Variants in CTNND2 observed in about 807,000 individuals in gnomAD.
CTNND2 encodes catenin delta-2.
A neutral mutation model predicts 144.4 loss-of-function variants in CTNND2; 22 were observed. That is an observed-to-expected ratio of 0.15 (90% CI 0.11 to 0.22). The LOEUF is 0.22. Ranked by LOEUF, CTNND2 falls within the 10% of genes least tolerant of loss-of-function variation. CTNND2 has a pLI of 1.00. For synonymous variants in CTNND2, 751 were observed against 695.6 expected (o/e 1.08, Z -1.25); for missense variants, 1,353 against 1,618.8 (o/e 0.84, Z 2.82).
intron 3 of CTNND2, among the ~76,000 whole-genome samples, chr5:11,456,353 G>A (rs910982209): frequency 6.6e-6 from 1 of 151,450 alleles, no homozygotes; most frequent in African/African-American, 2.4e-5. Flanking sequence ...GGGCATAATG[G>A]AGACGGAATA....
At chr5:11,306,476 G>T (rs1198514929) in intron 9 of CTNND2, among the ~76,000 whole-genome samples, 1 of 152,174 alleles carries the variant, frequency 6.6e-6, no homozygotes, top group African/African-American at 2.4e-5. Flanking sequence ...GGGTGGATCC[G>T]AGGATGTCTG....
chr5:11,351,692 G>A (rs1255845174), intron 8 of CTNND2, among the ~76,000 whole-genome samples: 2 of 152,050 alleles, frequency 1.3e-5, no homozygotes, highest in African/African-American at 4.8e-5. Flanking sequence ...GAAACTTGGT[G>A]GGGGGAAATA....
chr5:11,875,602 T>A (rs921230154), intron 1 of CTNND2, among the ~76,000 whole-genome samples: 3 of 152,092 alleles, frequency 2.0e-5, no homozygotes, highest in African/African-American at 7.2e-5. Flanking sequence ...ACCGTCCGTA[T>A]AGCAGGGGAA....
At chr5:10,996,039 G>A (rs181525538) in intron 18 of CTNND2, among the ~76,000 whole-genome samples, 1 of 152,160 alleles carries the variant, frequency 6.6e-6, no homozygotes, top group Non-Finnish European at 1.5e-5. Flanking sequence ...GGTGGGGAGC[G>A]AGCTGACTGG....
chr5:11,129,163 T>TA (rs1755211858), intron 12 of CTNND2, among the ~76,000 whole-genome samples: 1 of 20,204 alleles, frequency 4.9e-5, no homozygotes, highest in East Asian at 3.4e-3. Context: ...ATACATATAT[T>TA]ATATATTATA....
At position 11,749,821 on chromosome 5, in the gene CTNND2, G is replaced by T. The variant is rs1467075713; in HGVS notation, c.38-17549C>A. Among the ~76,000 whole-genome samples the T allele has an allele frequency of 9.9e-5, 15 of 151,968 alleles. No individual in the cohort carries two copies. In the East Asian group the frequency reaches 2.9e-3, roughly 29 times the overall value. ...GATAATGAGGATATACAATGTTTTT[G>T]TCATCAGATGATCTAATCTTATTCA... On this transcript the variant is annotated intron_variant, in intron 1 of 21. Coordinates refer to ENST00000304623, the MANE Select transcript of CTNND2 (RefSeq NM_001332.4).
intron 1 of CTNND2, among the ~76,000 whole-genome samples, chr5:11,884,832 C>T (rs928924680): frequency 6.6e-6 from 1 of 152,076 alleles, no homozygotes; most frequent in African/African-American, 2.4e-5. Flanking sequence ...GAGGCACGTT[C>T]CTTCTATAAC....
chr5:11,509,827 T>G (rs1771458373), intron 3 of CTNND2, among the ~76,000 whole-genome samples: 1 of 152,218 alleles, frequency 6.6e-6, no homozygotes, highest in African/African-American at 2.4e-5. Context: ...ATTTCACACC[T>G]TTTCTACAGA....
intron 3 of CTNND2, among the ~76,000 whole-genome samples, chr5:11,434,464 A>G (rs1488547910): frequency 6.6e-6 from 1 of 152,232 alleles, no homozygotes; most frequent in Non-Finnish European, 1.5e-5. Flanking sequence ...GGTACCCCTA[A>G]GACTGGTGCA....
chr5:11,098,219 A>G (rs1467691950), intron 15 of CTNND2, among the ~76,000 whole-genome samples: 1 of 152,094 alleles, frequency 6.6e-6, no homozygotes, highest in Non-Finnish European at 1.5e-5. Flanking sequence ...TTGAGCATTA[A>G]CTCTCTTACC....
intron 3 of CTNND2, among the ~76,000 whole-genome samples, chr5:11,479,925 T>C (rs1266835283): frequency 6.6e-6 from 1 of 152,222 alleles, no homozygotes; most frequent in Non-Finnish European, 1.5e-5. Flanking sequence ...GTAAGATGCA[T>C]AGTTTGCAAA....
chr5:11,195,195 T>G (rs1736732247), intron 11 of CTNND2, among the ~76,000 whole-genome samples: 1 of 152,080 alleles, frequency 6.6e-6, no homozygotes, highest in Non-Finnish European at 1.5e-5. Flanking sequence ...CCTAGATATA[T>G]CACAAGAGAA....
intron 20 of CTNND2, 25 bp from the exon 21 acceptor site, chr5:10,981,871 T>C (rs1465338043): frequency 1.3e-6 from 2 of 1,587,216 alleles, no homozygotes; most frequent in Non-Finnish European, 1.7e-6. Flanking sequence ...AAAACAAAAG[T>C]TTAGCAAAGA....
Position 10,971,940 on chromosome 5 carries a change from C to T in CTNND2, c.*1513G>A, listed in dbSNP as rs934637222. ...ATCTAAAGAGCAAAGCTAGTTTACC[C>T]GCGGCCCATGTTCTTTTCGATGGTT... On this transcript the variant is annotated 3_prime_UTR_variant, in exon 22 of 22. Coordinates refer to ENST00000304623, the MANE Select transcript of CTNND2 (RefSeq NM_001332.4). 4 of 152,634 alleles carry T rather than the reference C, an allele frequency of 2.6e-5. No individual in the cohort carries two copies. Among genetic ancestry groups the T allele is most frequent in the South Asian group, 2.1e-4 (1 of 4,832 alleles). 9.5% of individuals were successfully genotyped at this position (152,634 alleles called of 1,614,324 possible).
intron 2 of CTNND2, among the ~76,000 whole-genome samples, chr5:11,727,676 T>G (rs759237606): frequency 6.6e-5 from 10 of 152,224 alleles, no homozygotes; most frequent in Admixed American, 1.3e-4. Context: ...GAATATAAAC[T>G]TCACTGGTCT....
intron 16 of CTNND2, among the ~76,000 whole-genome samples, chr5:11,043,238 T>C (rs1744869345): frequency 6.6e-6 from 1 of 152,188 alleles, no homozygotes; most frequent in African/African-American, 2.4e-5. Context: ...TCTCCAAGTG[T>C]CCTAGCTAGT....
At chr5:11,692,321 T>A (rs1784947668) in intron 2 of CTNND2, among the ~76,000 whole-genome samples, 1 of 152,240 alleles carries the variant, frequency 6.6e-6, no homozygotes. Context: ...TCCCAACTCA[T>A]TATAAAAACA....
chr5:11,183,133 T>C (rs1735265521), intron 11 of CTNND2, among the ~76,000 whole-genome samples: 1 of 152,202 alleles, frequency 6.6e-6, no homozygotes, highest in African/African-American at 2.4e-5. Context: ...AGTTTATACA[T>C]GACAAAAAAA....
At chr5:11,860,838 G>A (rs1795469727) in intron 1 of CTNND2, among the ~76,000 whole-genome samples, 1 of 152,060 alleles carries the variant, frequency 6.6e-6, no homozygotes, top group African/African-American at 2.4e-5. Context: ...CCTAAATATT[G>A]CAAATATAGG....
Sources: gnomAD v4.1 joint callset for allele counts (sites outside exome capture counted in the v4.1 genomes callset) on GRCh38, gnomAD v4.1.1 for gene constraint, MANE v1.5 for transcripts, NCBI Gene and HGNC (gene_info 2026-07-23, HGNC 2026-07-21) for gene names.